Variants in SACM1L observed in about 807,000 individuals in gnomAD.
SACM1L encodes the protein SAC1 like phosphatidylinositide phosphatase, also known as phosphatidylinositol-3-phosphatase SAC1.
A neutral mutation model predicts 89.5 loss-of-function variants in SACM1L; 32 were observed. That is an observed-to-expected ratio of 0.36 (90% CI 0.27 to 0.48). SACM1L has a LOEUF of 0.48. Ranked by LOEUF, SACM1L falls within the 20% of genes least tolerant of loss-of-function variation. SACM1L has a pLI of 0.99. For synonymous variants in SACM1L, 213 were observed against 232.8 expected, an observed-to-expected ratio of 0.92 and a Z score of 0.77; for missense variants, 543 against 708.5, an observed-to-expected ratio of 0.77 and a Z score of 2.65.
chr3:45,723,563 TGGG>T lies in SACM1L; in HGVS notation c.921+24_921+26del. Reference sequence around the variant, plus strand: ...AATCTGGTATGTTTCTTATGTTTCTTGGGGGGAAAAAAAAGCCTTAACTTTTTC... The same window carrying T: ...AATCTGGTATGTTTCTTATGTTTCTTGGGAAAAAAAAGCCTTAACTTTTTC... On this transcript the variant is annotated intron_variant, in intron 11 of 19. Coordinates refer to ENST00000389061, the MANE Select transcript of SACM1L (RefSeq NM_014016.5). 2 of 1,316,356 alleles carry T rather than the reference TGGG, an allele frequency of 1.5e-6. No homozygotes were observed. The highest frequency in any genetic ancestry group is 1.6e-5 in the South Asian group (1 of 63,096). 81.5% of individuals were successfully genotyped at this position (1,316,356 alleles called of 1,614,324 possible).
At chr3:45,692,634 T>TAG (rs1274316714) in intron 1 of SACM1L, among the ~76,000 whole-genome samples, 1 of 152,234 alleles carries the variant, frequency 6.6e-6, no homozygotes, top group African/African-American at 2.4e-5. Context: ...ATGAAGTACT[T>TAG]AGTGTACCTC....
intron 7 of SACM1L, among the ~76,000 whole-genome samples, chr3:45,718,678 TACAC>T (rs1698720704): frequency 1.3e-5 from 2 of 152,314 alleles, no homozygotes; most frequent in South Asian, 4.1e-4. Flanking sequence ...TGTAAATAGT[TACAC>T]ACATTATACT....
rs781444767 is a variant in SACM1L, at chr3:45,739,565, CTCTT to C, written c.1570-18_1570-15del. 7.9e-5 allele frequency: 127 copies of C among 1,611,542 alleles called. No individual in the cohort carries two copies. Among genetic ancestry groups the C allele is most frequent in the Non-Finnish European group, 1.0e-4 (122 of 1,177,810 alleles). ...TTGATTAGCATTCTTAAATGATGAT[CTCTT>C]TCTATTGTCTTTTCCAGTTGCCTAT... On this transcript the variant is annotated intron_variant, in intron 18 of 19. Transcript: ENST00000389061.
chr3:45,734,881 C>T (rs1488485342), intron 13 of SACM1L: 1 of 178,706 alleles, frequency 5.6e-6, no homozygotes, highest in Non-Finnish European at 1.2e-5. Flanking sequence ...GCCCTGACAT[C>T]TAGGGATATA....
Position 45,731,339 on chromosome 3 carries a change from A to G in SACM1L, c.960A>G (p.Thr320=), listed in dbSNP as rs79240996. 2.9e-3 allele frequency: 4,683 copies of G among 1,613,534 alleles called. 40 individuals carry two copies. The highest frequency in any genetic ancestry group is 0.012 in the African/African-American group (938 of 75,050). The change falls in exon 12 of 20, where the codon ACA becomes ACG. Residue 320 remains threonine (T), a synonymous_variant. Coordinates refer to ENST00000389061, the MANE Select transcript of SACM1L (RefSeq NM_014016.5). ...QKGSEKPLEQ[T]FATMVSSLGS... ...GCTCGGAGAAGCCACTTGAGCAGAC[A>G]TTTGCAACAATGGTGTCTTCCTTGG...
rs923447460 is a variant in SACM1L at position 45,689,483 on chromosome 3, C to T, written c.18C>T (p.Tyr6=). MATAA[Y]EQLKLHITPE... is the part of the protein sequence containing the mutation. ...TGTGCAGGATGGCGACGGCGGCCTACGAGCAGCTGAAGCTGTGAGTCCCAC... is the reference window on the plus strand; with the variant it reads ...TGTGCAGGATGGCGACGGCGGCCTATGAGCAGCTGAAGCTGTGAGTCCCAC... Residue 6 remains tyrosine (Y), a synonymous_variant, in exon 1 of 20, where the codon TAC becomes TAT. Coordinates refer to ENST00000389061, the MANE Select transcript of SACM1L (RefSeq NM_014016.5). 1 of 1,579,410 alleles carries T rather than the reference C, an allele frequency of 6.3e-7. No individual in the cohort carries two copies. Among genetic ancestry groups the T allele is most frequent in the Non-Finnish European group, 8.6e-7 (1 of 1,163,792 alleles).
At chr3:45,737,445 C>T in intron 14 of SACM1L, 138 bp from the exon 15 acceptor site, 3 of 860,302 alleles carry the variant, frequency 3.5e-6, no homozygotes, top group Non-Finnish European at 5.7e-6. Flanking sequence ...GCTGGGGCCC[C>T]CTATAGACAA....
chr3:45,731,405 G>A (rs1200688778), intron 12 of SACM1L, 25 bp downstream of exon 12: 3 of 1,502,562 alleles, frequency 2.0e-6, no homozygotes, highest in South Asian at 2.3e-5. Flanking sequence ...ATCTGTTGCA[G>A]GTCTTTTCAG....
intron 19 of SACM1L, chr3:45,742,753 C>G (rs754653063): frequency 1.3e-5 from 2 of 152,374 alleles, no homozygotes; most frequent in Non-Finnish European, 2.9e-5. Context: ...CCCAGGAGTT[C>G]TGGTCTGTAG....
Position 45,737,666 on chromosome 3 carries a change from T to G in SACM1L, c.1309+14T>G, listed in dbSNP as rs1699231734. On this transcript the variant is annotated intron_variant, in intron 15 of 19. Coordinates refer to ENST00000389061, the MANE Select transcript of SACM1L (RefSeq NM_014016.5). ...TTTACAAAAATGGTAGGTCATTTCT[T>G]TAATATAGACAAAGTTGGTCAGATT... is the stretch of plus-strand genomic sequence containing the variant. 1.3e-6 allele frequency: 2 copies of G among 1,586,494 alleles called. No individual in the cohort carries two copies. The highest frequency in any genetic ancestry group is 1.7e-6 in the Non-Finnish European group (2 of 1,168,564).
At chr3:45,734,918 C>A in intron 13 of SACM1L, 1 of 217,612 alleles carries the variant, frequency 4.6e-6, no homozygotes, top group Non-Finnish European at 9.0e-6. Flanking sequence ...TAGAGGAAAC[C>A]CTCATCTGGC....
At chr3:45,695,154 CCTT>C (rs1698091295) in intron 1 of SACM1L, among the ~76,000 whole-genome samples, 2 of 152,056 alleles carry the variant, frequency 1.3e-5, no homozygotes. Context: ...TGCAGGGGAT[CCTT>C]CTTTACTAAG....
chr3:45,689,676 G>C lies in SACM1L; in HGVS notation c.32+179G>C, dbSNP rs1021622206. The C allele has an allele frequency of 7.2e-5, 51 of 706,042 alleles. No homozygotes were observed. The African/African-American group carries it at 8.4e-4, about 12-fold the overall frequency. 43.7% of individuals were successfully genotyped at this position (706,042 alleles called of 1,614,324 possible). On this transcript the variant is annotated intron_variant, in intron 1 of 19. Coordinates refer to ENST00000389061, the MANE Select transcript of SACM1L (RefSeq NM_014016.5). ...GGCCTCGCCCGAGTAGCCATAGGCC[G>C]GGAACCAGCGGCTCGCCGGCCTTTC... is the stretch of plus-strand genomic sequence containing the variant.
At chr3:45,729,129 C>G (rs1373162730) in intron 11 of SACM1L, among the ~76,000 whole-genome samples, 2 of 152,062 alleles carry the variant, frequency 1.3e-5, no homozygotes, top group African/African-American at 4.8e-5. Context: ...TTCTGTCACC[C>G]AGGCTGGAGT....
At chr3:45,689,973 C>A (rs556040471) in intron 1 of SACM1L, 26 of 161,220 alleles carry the variant, frequency 1.6e-4, no homozygotes, top group African/African-American at 6.8e-4. Context: ...AGCCTGCCTG[C>A]CCCCTCTTCA....
At position 45,721,950 on chromosome 3, in the gene SACM1L, G is replaced by A. The variant is rs570905846; in HGVS notation, c.680-50G>A. The A allele has an allele frequency of 1.8e-5, 23 of 1,276,810 alleles. No individual in the cohort carries two copies. The South Asian group carries it at 2.4e-4, about 13-fold the overall frequency. The allele number at this position is 1,276,810 out of a possible 1,614,324, so 79.1% of individuals were successfully genotyped here. A position where few individuals can be genotyped will look rare whatever the true frequency, so the allele number is the denominator to read the frequency against. On this transcript the variant is annotated intron_variant, in intron 8 of 19. Coordinates refer to ENST00000389061, the MANE Select transcript of SACM1L (RefSeq NM_014016.5). ...ACCTGAATTAGTGGGTTTCTGATGT[G>A]TTTCTTTGTGTAATCAGTATAGTTA...
chr3:45,725,741 G>C (rs1234791979), intron 11 of SACM1L, among the ~76,000 whole-genome samples: 1 of 151,576 alleles, frequency 6.6e-6, no homozygotes, highest in Non-Finnish European at 1.5e-5. Flanking sequence ...ATGTTGAACA[G>C]AAATTGTGAA....
chr3:45,733,366 A>G lies in SACM1L; in HGVS notation c.1100+1215A>G, dbSNP rs570254573. ...TAATATGACCCAGGGCCACTTAGTT[A>G]TCTTCAGACTTCGGTTTCTTCATTT... On this transcript the variant is annotated intron_variant, in intron 13 of 19. Transcript: ENST00000389061. Among the ~76,000 whole-genome samples the G allele has an allele frequency of 2.0e-5, 3 of 152,338 alleles. No homozygotes were observed. The East Asian group carries it at 5.8e-4, about 29-fold the overall frequency.
chr3:45,701,094 T>C (rs554551407), intron 1 of SACM1L, among the ~76,000 whole-genome samples: 5 of 152,362 alleles, frequency 3.3e-5, no homozygotes, highest in Non-Finnish European at 5.9e-5. Context: ...TAAAAAATTA[T>C]TTTAAGTGGA....
Sources: allele counts gnomAD v4.1 joint callset (sites outside exome capture counted in the v4.1 genomes callset), GRCh38; gene constraint gnomAD v4.1.1; transcripts MANE v1.5; gene names NCBI Gene and HGNC (gene_info 2026-07-23, HGNC 2026-07-21).